Variants in NEDD4L observed in about 807,000 individuals in gnomAD.
NEDD4L encodes the protein E3 ubiquitin-protein ligase NEDD4-like.
A neutral mutation model predicts 148.9 loss-of-function variants in NEDD4L; 54 were observed. The ratio of observed to expected loss-of-function variants is 0.36; its 90% CI spans 0.29 to 0.45. NEDD4L has a LOEUF of 0.45. NEDD4L is among the 20% of genes least tolerant of loss of function. The pLI, the probability that NEDD4L is intolerant of heterozygous loss-of-function variation, is 1.00. For synonymous variants in NEDD4L, 433 were observed against 440.7 expected (o/e 0.98, Z 0.22); for missense variants, 856 against 1,233.8 (o/e 0.69, Z 4.59).
intron 1 of NEDD4L, among the ~76,000 whole-genome samples, chr18:58,105,212 G>A (rs933213822): frequency 2.6e-5 from 4 of 152,172 alleles, no homozygotes; most frequent in Non-Finnish European, 5.9e-5. Context: ...CAAGGAGAGC[G>A]CTAGGACTGA....
chr18:58,263,571 T>C (rs922689556), intron 5 of NEDD4L, among the ~76,000 whole-genome samples: 1 of 152,188 alleles, frequency 6.6e-6, no homozygotes, highest in Admixed American at 6.5e-5. Context: ...GCTGGTAGAC[T>C]TTTAAAATAC....
chr18:58,348,326 C>CTTTTTTTTCTTT (rs2043371626), intron 16 of NEDD4L, among the ~76,000 whole-genome samples: 2 of 88,672 alleles, frequency 2.3e-5, no homozygotes, highest in African/African-American at 1.1e-4. Context: ...TCTTTTTTTT[C>CTTTTTTTTCTTT]TTTTTTTTTT....
rs537419158 is a variant in NEDD4L at position 58,047,234 on chromosome 18, C to T, written c.48+2526C>T. The T allele has an allele frequency of 9.1e-6, 9 of 984,546 alleles. No homozygotes were observed. The Admixed American group carries it at 3.1e-4, about 34-fold the overall frequency. 61.0% of individuals were successfully genotyped at this position (984,546 alleles called of 1,614,324 possible). ...ATATCACATATGAAGATATTTTGAC[C>T]GCTATTTAGAAGAGTGACCTCATAA... On this transcript the variant is annotated intron_variant, in intron 1 of 30. Transcript: ENST00000400345.
intron 1 of NEDD4L, among the ~76,000 whole-genome samples, chr18:58,085,011 C>T (rs962832491): frequency 6.6e-6 from 1 of 152,212 alleles, no homozygotes; most frequent in Non-Finnish European, 1.5e-5. Flanking sequence ...TGTCTTTGGG[C>T]ACAAATATCC....
chr18:58,051,553 T>C (rs2144503402), intron 1 of NEDD4L, among the ~76,000 whole-genome samples: 1 of 152,344 alleles, frequency 6.6e-6, no homozygotes, highest in Non-Finnish European at 1.5e-5. Context: ...AACATGGCAA[T>C]GTGTGATAGA....
intron 2 of NEDD4L, among the ~76,000 whole-genome samples, chr18:58,229,434 A>T (rs76126591): frequency 6.6e-6 from 1 of 152,184 alleles, no homozygotes; most frequent in African/African-American, 2.4e-5. Context: ...GCGGTGATCT[A>T]TCACACATTT....
At chr18:58,135,303 C>A (rs1270413301) in intron 1 of NEDD4L, among the ~76,000 whole-genome samples, 8 of 152,210 alleles carry the variant, frequency 5.3e-5, no homozygotes, top group Non-Finnish European at 1.0e-4. Flanking sequence ...ATTGGCCCAG[C>A]ATCTTAAGAT....
intron 2 of NEDD4L, among the ~76,000 whole-genome samples, chr18:58,241,028 C>T (rs963060465): frequency 3.3e-5 from 5 of 151,958 alleles, no homozygotes; most frequent in African/African-American, 1.2e-4. Flanking sequence ...CAGGCTGGTC[C>T]GGAATTCCTG....
chr18:58,108,387 A>G (rs8082726), intron 1 of NEDD4L, among the ~76,000 whole-genome samples: 29,237 of 152,146 alleles, frequency 0.19, 2,981 homozygotes, highest in African/African-American at 0.23. Flanking sequence ...CTTCTTAAGT[A>G]TACCTTAATT....
intron 1 of NEDD4L, among the ~76,000 whole-genome samples, chr18:58,108,460 G>T (rs970450330): frequency 1.3e-5 from 2 of 151,816 alleles, no homozygotes; most frequent in African/African-American, 4.8e-5. Context: ...TCACTGTGTC[G>T]CCCAGGCTGG....
At chr18:58,135,512 C>CCTA (rs769520038) in intron 1 of NEDD4L, among the ~76,000 whole-genome samples, 1 of 152,174 alleles carries the variant, frequency 6.6e-6, no homozygotes, top group Non-Finnish European at 1.5e-5. Context: ...GGTCACCTGA[C>CCTA]CGTGTATGGA....
intron 1 of NEDD4L, among the ~76,000 whole-genome samples, chr18:58,066,834 A>G (rs2082624745): frequency 6.6e-6 from 1 of 152,124 alleles, no homozygotes; most frequent in Admixed American, 6.6e-5. Context: ...ATATTTTTAA[A>G]TAACCAAGCA....
intron 1 of NEDD4L, among the ~76,000 whole-genome samples, chr18:58,077,580 A>G (rs1295925205): frequency 1.3e-5 from 2 of 152,150 alleles, no homozygotes; most frequent in African/African-American, 4.8e-5. Context: ...TTCAAGATTA[A>G]ATTCCAAGCG....
chr18:58,121,501 C>G (rs74524135), intron 1 of NEDD4L, among the ~76,000 whole-genome samples: 4,901 of 151,924 alleles, frequency 0.032, 114 homozygotes, highest in Middle Eastern at 0.082. Context: ...TCACTGCAGG[C>G]TCAAGCGCTC....
chr18:58,105,832 G>A (rs1221434062), intron 1 of NEDD4L, among the ~76,000 whole-genome samples: 3 of 152,164 alleles, frequency 2.0e-5, no homozygotes, highest in East Asian at 3.8e-4. Flanking sequence ...GAAAGAATAC[G>A]AAAGCCAGCC....
At chr18:58,196,582 TTACTC>T (rs1285998374) in intron 2 of NEDD4L, among the ~76,000 whole-genome samples, 1 of 152,178 alleles carries the variant, frequency 6.6e-6, no homozygotes, top group Non-Finnish European at 1.5e-5. Flanking sequence ...ATGTTTTCCT[TTACTC>T]TAAGTTAAAG....
chr18:58,309,037 C>T (rs1417593142), intron 5 of NEDD4L, among the ~76,000 whole-genome samples: 1 of 152,240 alleles, frequency 6.6e-6, no homozygotes, highest in African/African-American at 2.4e-5. Flanking sequence ...CCAGTCAGCT[C>T]TCCTGCTCAG....
At chr18:58,354,113 A>G (rs919933826) in intron 18 of NEDD4L, among the ~76,000 whole-genome samples, 2 of 152,212 alleles carry the variant, frequency 1.3e-5, no homozygotes, top group African/African-American at 4.8e-5. Flanking sequence ...TGTCTATGGA[A>G]TGGCTCCTGG....
At chr18:58,353,949 C>G (rs2044255351) in intron 18 of NEDD4L, among the ~76,000 whole-genome samples, 1 of 152,184 alleles carries the variant, frequency 6.6e-6, no homozygotes, top group Non-Finnish European at 1.5e-5. Flanking sequence ...ATGCACTTGT[C>G]TTTTCAATAA....
Sources: gnomAD v4.1 joint callset for allele counts (sites outside exome capture counted in the v4.1 genomes callset) on GRCh38, gnomAD v4.1.1 for gene constraint, MANE v1.5 for transcripts, NCBI Gene and HGNC (gene_info 2026-07-23, HGNC 2026-07-21) for gene names.